The following DEPTOR variants were observed in gnomAD, a reference collection of about 807,000 sequenced individuals.
The protein encoded by DEPTOR is DEP domain-containing mTOR-interacting protein.
DEPTOR carries 41 observed loss-of-function variants against 41.6 expected under a neutral mutation model. That is an observed-to-expected ratio of 0.98 (90% CI 0.77 to 1.28). The LOEUF is 1.28. DEPTOR is among the 50% of genes most tolerant of loss of function. The pLI, the probability that DEPTOR is intolerant of heterozygous loss-of-function variation, is 0.00. For synonymous variants in DEPTOR, 195 were observed against 192.3 expected (o/e 1.01, Z -0.12); for missense variants, 514 against 527.9 (o/e 0.97, Z 0.26).
intron 1 of DEPTOR, among the ~76,000 whole-genome samples, chr8:119,903,235 A>G (rs1827618316): frequency 6.6e-6 from 1 of 152,054 alleles, no homozygotes; most frequent in African/African-American, 2.4e-5. Flanking sequence ...AGTAGCTGGG[A>G]TTATAGGTCC....
At chr8:119,874,989 C>T (rs1827213786) in intron 1 of DEPTOR, among the ~76,000 whole-genome samples, 1 of 152,122 alleles carries the variant, frequency 6.6e-6, no homozygotes, top group Non-Finnish European at 1.5e-5. Flanking sequence ...GTCTGTGTTT[C>T]AGGACCTGAA....
Position 120,023,434 on chromosome 8 carries a change from C to T in DEPTOR, c.1101+14301C>T, listed in dbSNP as rs182671231. Among the ~76,000 whole-genome samples the T allele has an allele frequency of 2.3e-4, 35 of 151,884 alleles. 1 individual carries two copies. The highest frequency in any genetic ancestry group is 1.7e-3 in the Admixed American group (26 of 15,216). On this transcript the variant is annotated intron_variant, in intron 8 of 8. Coordinates refer to ENST00000286234, the MANE Select transcript of DEPTOR (RefSeq NM_022783.4). Reference sequence around the variant, plus strand: ...TTTTGTATTTTTAGTAGATACGGGGCCACCACGCCCAGCCTAATTATTTTC... The same window carrying T: ...TTTTGTATTTTTAGTAGATACGGGGTCACCACGCCCAGCCTAATTATTTTC...
intron 3 of DEPTOR, among the ~76,000 whole-genome samples, chr8:119,964,849 G>A (rs953885167): frequency 1.3e-5 from 2 of 152,044 alleles, no homozygotes; most frequent in African/African-American, 4.8e-5. Flanking sequence ...CGAGACGGGT[G>A]GATCACCTGA....
chr8:119,894,180 C>A (rs1242761580), intron 1 of DEPTOR, among the ~76,000 whole-genome samples: 4 of 151,910 alleles, frequency 2.6e-5, no homozygotes, highest in African/African-American at 9.7e-5. Context: ...GCGATCCTTC[C>A]ACCTTAGCTT....
chr8:119,900,352 A>T (rs932744638), intron 1 of DEPTOR, among the ~76,000 whole-genome samples: 1 of 75,576 alleles, frequency 1.3e-5, no homozygotes. Context: ...AAAAAAAAAA[A>T]ACTAAATGTC....
intron 1 of DEPTOR, among the ~76,000 whole-genome samples, chr8:119,902,533 T>C (rs967137853): frequency 6.6e-6 from 1 of 152,094 alleles, no homozygotes; most frequent in African/African-American, 2.4e-5. Context: ...GAGATGGCGT[T>C]TTACTATGTT....
At chr8:119,960,954 G>A (rs1828482337) in intron 3 of DEPTOR, among the ~76,000 whole-genome samples, 2 of 152,088 alleles carry the variant, frequency 1.3e-5, no homozygotes, top group African/African-American at 4.8e-5. Context: ...ACTCCAGCCT[G>A]GGTGACAAGA....
At chr8:119,973,771 C>T (rs1204610405) in intron 4 of DEPTOR, among the ~76,000 whole-genome samples, 2 of 152,204 alleles carry the variant, frequency 1.3e-5, no homozygotes, top group Admixed American at 1.3e-4. Flanking sequence ...ACTAAGCCCT[C>T]TTTCTTTTTC....
At chr8:119,938,973 C>CTCTCTCTCTCTCTCTG (rs1458771316) in intron 3 of DEPTOR, among the ~76,000 whole-genome samples, 1 of 149,630 alleles carries the variant, frequency 6.7e-6, no homozygotes, top group African/African-American at 2.5e-5. Flanking sequence ...CTCTCTCTCT[C>CTCTCTCTCTCTCTCTG]TGTGTTTCTC....
intron 3 of DEPTOR, among the ~76,000 whole-genome samples, chr8:119,960,223 CAA>C (rs1298586426): frequency 7.3e-6 from 1 of 137,788 alleles, no homozygotes. Flanking sequence ...GACTCCCTCT[CAA>C]AAAAAAAAAC....
intron 1 of DEPTOR, among the ~76,000 whole-genome samples, chr8:119,902,985 T>G (rs1002285157): frequency 6.6e-6 from 1 of 152,196 alleles, no homozygotes; most frequent in African/African-American, 2.4e-5. Flanking sequence ...ACTAAAATTG[T>G]GTGCTCCGTG....
chr8:120,028,365 C>T (rs1024637320), intron 8 of DEPTOR, among the ~76,000 whole-genome samples: 1 of 149,718 alleles, frequency 6.7e-6, no homozygotes, highest in Admixed American at 6.7e-5. Context: ...TGCACAGTAT[C>T]ATTTACACAC....
chr8:119,936,686 T>A (rs1390840124), intron 3 of DEPTOR, among the ~76,000 whole-genome samples: 2 of 152,198 alleles, frequency 1.3e-5, no homozygotes, highest in Admixed American at 1.3e-4. Context: ...AGAGGTGTTT[T>A]TCAGGTGACC....
chr8:120,001,732 T>G, intron 5 of DEPTOR, 22 bp downstream of exon 5: 1 of 1,602,340 alleles, frequency 6.2e-7, no homozygotes, highest in Non-Finnish European at 8.5e-7. Context: ...CGGCATTTAT[T>G]GGAGCTCAAG....
At chr8:119,889,617 G>T (rs1275241002) in intron 1 of DEPTOR, among the ~76,000 whole-genome samples, 1 of 100,480 alleles carries the variant, frequency 1.0e-5, no homozygotes, top group Non-Finnish European at 2.1e-5. Context: ...GAGGGGACGG[G>T]AGGGGAGGGA....
intron 1 of DEPTOR, among the ~76,000 whole-genome samples, chr8:119,926,309 A>G (rs1827963343): frequency 6.6e-6 from 1 of 152,090 alleles, no homozygotes; most frequent in Non-Finnish European, 1.5e-5. Flanking sequence ...AAAATCACAC[A>G]ACTAGCTTTC....
At chr8:119,934,373 C>G (rs546348801) in intron 3 of DEPTOR, among the ~76,000 whole-genome samples, 34 of 152,272 alleles carry the variant, frequency 2.2e-4, no homozygotes, top group African/African-American at 7.5e-4. Context: ...TCAAGTTGCC[C>G]CAGTGTGAGT....
intron 8 of DEPTOR, among the ~76,000 whole-genome samples, chr8:120,041,548 A>T (rs1479130384): frequency 6.6e-5 from 10 of 150,930 alleles, no homozygotes; most frequent in African/African-American, 2.5e-4. Context: ...ACTTTTTTTT[A>T]AATTCTTCAA....
intron 8 of DEPTOR, among the ~76,000 whole-genome samples, chr8:120,028,165 T>G (rs1812828937): frequency 6.6e-6 from 1 of 152,130 alleles, no homozygotes; most frequent in Non-Finnish European, 1.5e-5. Flanking sequence ...TTTTTTCTTT[T>G]TTTTCCTGGA....
Sources: gnomAD v4.1 joint callset for allele counts (sites outside exome capture counted in the v4.1 genomes callset) on GRCh38, gnomAD v4.1.1 for gene constraint, MANE v1.5 for transcripts, NCBI Gene and HGNC (gene_info 2026-07-23, HGNC 2026-07-21) for gene names.